Variants in ZNF385D observed in about 807,000 individuals in gnomAD.
ZNF385D encodes the protein zinc finger protein 385D, also known as zinc finger protein 659.
A neutral mutation model predicts 35.8 loss-of-function variants in ZNF385D; 15 were observed. That is an observed-to-expected ratio of 0.42 (90% CI 0.28 to 0.64). The LOEUF is 0.64. ZNF385D is among the 30% of genes least tolerant of loss of function. ZNF385D has a pLI of 0.23. For missense variants in ZNF385D, 474 were observed against 494.6 expected (o/e 0.96, Z 0.39); for synonymous variants, 212 against 186.8 (o/e 1.13, Z -1.10).
chr3:22,067,008 G>A (rs904791873), intron 3 of ZNF385D, among the ~76,000 whole-genome samples: 4 of 152,112 alleles, frequency 2.6e-5, no homozygotes, highest in African/African-American at 7.2e-5. Context: ...ATCACGCTCA[G>A]GCACCTAATG....
chr3:21,622,329 T>G (rs1463119630), intron 2 of ZNF385D, among the ~76,000 whole-genome samples: 1 of 152,158 alleles, frequency 6.6e-6, no homozygotes, highest in Non-Finnish European at 1.5e-5. Flanking sequence ...CAGAGGTCAT[T>G]TGCTTATAAA....
At chr3:21,885,988 A>G (rs950325587) in intron 3 of ZNF385D, among the ~76,000 whole-genome samples, 4 of 152,116 alleles carry the variant, frequency 2.6e-5, no homozygotes, top group African/African-American at 9.7e-5. Flanking sequence ...AAGTCCACTG[A>G]TTTAAGTGTT....
intron 2 of ZNF385D, among the ~76,000 whole-genome samples, chr3:22,257,041 G>A (rs1700353860): frequency 1.3e-5 from 2 of 151,924 alleles, no homozygotes; most frequent in Admixed American, 6.6e-5. Flanking sequence ...TATTCCTGGA[G>A]AAGATAAAAA....
At chr3:21,761,600 T>C (rs2070611529) in intron 3 of ZNF385D, among the ~76,000 whole-genome samples, 1 of 152,014 alleles carries the variant, frequency 6.6e-6, no homozygotes, top group Non-Finnish European at 1.5e-5. Flanking sequence ...AGAGAAGTAA[T>C]ACAGTCTCAT....
intron 4 of ZNF385D, among the ~76,000 whole-genome samples, chr3:21,494,067 A>G (rs1705635502): frequency 1.3e-5 from 2 of 152,184 alleles, no homozygotes; most frequent in Non-Finnish European, 2.9e-5. Flanking sequence ...AAATAGAAAA[A>G]CCAAAGTTGA....
intron 3 of ZNF385D, among the ~76,000 whole-genome samples, chr3:22,000,424 C>T (rs1188550904): frequency 2.0e-5 from 3 of 152,162 alleles, no homozygotes; most frequent in African/African-American, 7.2e-5. Flanking sequence ...ATGGCAATGT[C>T]AGGAAGTTAC....
intron 3 of ZNF385D, among the ~76,000 whole-genome samples, chr3:21,782,499 T>G (rs930466581): frequency 6.6e-6 from 1 of 152,104 alleles, no homozygotes; most frequent in African/African-American, 2.4e-5. Flanking sequence ...ATTTGATCAT[T>G]TTAATTGTCA....
At chr3:22,093,331 T>C (rs1212622482) in intron 3 of ZNF385D, among the ~76,000 whole-genome samples, 3 of 151,802 alleles carry the variant, frequency 2.0e-5, no homozygotes, top group East Asian at 3.8e-4. Flanking sequence ...TTTAACTACA[T>C]ATGGATACAA....
chr3:21,863,003 T>C (rs1485488229), intron 3 of ZNF385D, among the ~76,000 whole-genome samples: 1 of 152,114 alleles, frequency 6.6e-6, no homozygotes, highest in African/African-American at 2.4e-5. Context: ...TCACTTTGTG[T>C]ACAAATATGT....
rs574209818 is a variant in ZNF385D at position 22,300,839 on chromosome 3, A to G, written c.106+71611T>C. Reference sequence around the variant, plus strand: ...GGAATCCATGTGCAATTTTGATGGGAATATAAATTAGTATAGCCATTATGA... The same window carrying G: ...GGAATCCATGTGCAATTTTGATGGGGATATAAATTAGTATAGCCATTATGA... On this transcript the variant is annotated intron_variant, in intron 2 of 5. Transcript: ENST00000494108. Among the ~76,000 whole-genome samples the G allele has an allele frequency of 4.6e-5, 7 of 152,184 alleles. No individual in the cohort carries two copies. The East Asian group carries it at 1.4e-3, about 29-fold the overall frequency.
intron 3 of ZNF385D, among the ~76,000 whole-genome samples, chr3:21,803,443 G>T (rs1022671690): frequency 1.3e-5 from 2 of 152,092 alleles, no homozygotes. Context: ...TAAAATCAAA[G>T]TTTTAAATAA....
chr3:21,833,142 G>A (rs1267924755), intron 3 of ZNF385D, among the ~76,000 whole-genome samples: 2 of 151,978 alleles, frequency 1.3e-5, no homozygotes, highest in Non-Finnish European at 2.9e-5. Flanking sequence ...TTGGGTACTA[G>A]GAACACTGCA....
At chr3:22,149,381 C>T (rs568914851) in intron 3 of ZNF385D, among the ~76,000 whole-genome samples, 33 of 152,252 alleles carry the variant, frequency 2.2e-4, no homozygotes, top group Admixed American at 7.2e-4. Context: ...CTAAATTACC[C>T]TATTTAATGT....
intron 3 of ZNF385D, among the ~76,000 whole-genome samples, chr3:22,066,396 T>C (rs1319710971): frequency 2.1e-5 from 3 of 140,354 alleles, no homozygotes; most frequent in Non-Finnish European, 4.6e-5. Flanking sequence ...AGATACTGGG[T>C]GAGATGGTTC....
At chr3:21,701,541 T>C (rs1410321019) in intron 1 of ZNF385D, among the ~76,000 whole-genome samples, 1 of 152,026 alleles carries the variant, frequency 6.6e-6, no homozygotes, top group Non-Finnish European at 1.5e-5. Context: ...AAATCTCATG[T>C]CCTCACATTT....
chr3:21,585,620 TG>T (rs2063787036), intron 2 of ZNF385D, among the ~76,000 whole-genome samples: 1 of 152,194 alleles, frequency 6.6e-6, no homozygotes, highest in Non-Finnish European at 1.5e-5. Context: ...TCCAGGATAG[TG>T]ATGTTAACTC....
At chr3:21,846,779 G>C (rs573954996) in intron 3 of ZNF385D, among the ~76,000 whole-genome samples, 2 of 151,922 alleles carry the variant, frequency 1.3e-5, no homozygotes. Context: ...TTAATGGTGC[G>C]CCCAGGAGAA....
intron 3 of ZNF385D, among the ~76,000 whole-genome samples, chr3:22,167,925 A>C (rs1254015566): frequency 6.6e-6 from 1 of 152,176 alleles, no homozygotes; most frequent in Non-Finnish European, 1.5e-5. Flanking sequence ...AAACCACATA[A>C]AGCAATGCAG....
chr3:21,472,896 T>C (rs67637153), intron 4 of ZNF385D, among the ~76,000 whole-genome samples: 51,606 of 152,040 alleles, frequency 0.34, 9,407 homozygotes, highest in East Asian at 0.45. Flanking sequence ...GCTACCTGAT[T>C]TGTAAATGTT....
Sources: gnomAD v4.1 joint callset for allele counts (sites outside exome capture counted in the v4.1 genomes callset) on GRCh38, gnomAD v4.1.1 for gene constraint, MANE v1.5 for transcripts, NCBI Gene and HGNC (gene_info 2026-07-23, HGNC 2026-07-21) for gene names.